AMPH: variants seen among roughly 807,000 people sequenced by gnomAD.
The protein encoded by AMPH is amphiphysin (Stiff-Mann syndrome with breast cancer 128kD autoantigen).
A neutral mutation model predicts 99.1 loss-of-function variants in AMPH; 49 were observed. The ratio of observed to expected loss-of-function variants is 0.49; its 90% CI spans 0.39 to 0.63. AMPH has a LOEUF of 0.63. AMPH is among the 20% of genes least tolerant of loss of function. The pLI is 0.00. For missense variants in AMPH, 759 were observed against 863.4 expected (o/e 0.88, Z 1.52); for synonymous variants, 314 against 317.3 (o/e 0.99, Z 0.11).
intron 11 of AMPH, among the ~76,000 whole-genome samples, chr7:38,440,164 A>C (rs1786450161): frequency 6.6e-6 from 1 of 152,202 alleles, no homozygotes; most frequent in African/African-American, 2.4e-5. Flanking sequence ...GTTAAAGATA[A>C]ATTCATAAAA....
intron 7 of AMPH, among the ~76,000 whole-genome samples, chr7:38,470,106 A>G (rs756626032): frequency 6.6e-6 from 1 of 152,104 alleles, no homozygotes; most frequent in Non-Finnish European, 1.5e-5. Context: ...GGTCAGTCCT[A>G]TCAACACCCT....
At chr7:38,445,791 T>G (rs1786755713) in intron 11 of AMPH, among the ~76,000 whole-genome samples, 1 of 152,204 alleles carries the variant, frequency 6.6e-6, no homozygotes, top group South Asian at 2.1e-4. Context: ...TGTCAACTTG[T>G]TATCCCAGTG....
intron 2 of AMPH, among the ~76,000 whole-genome samples, chr7:38,527,182 T>C (rs1324954116): frequency 6.6e-6 from 1 of 152,266 alleles, no homozygotes; most frequent in Non-Finnish European, 1.5e-5. Context: ...GGCCTTAATA[T>C]TGAAAAGAAT....
At chr7:38,572,816 T>G (rs1792097994) in intron 1 of AMPH, among the ~76,000 whole-genome samples, 2 of 151,992 alleles carry the variant, frequency 1.3e-5, no homozygotes, top group South Asian at 4.1e-4. Context: ...ACAGGGAGTG[T>G]GGGATAGGAA....
At chr7:38,566,892 G>C (rs1213233531) in intron 1 of AMPH, among the ~76,000 whole-genome samples, 1 of 152,194 alleles carries the variant, frequency 6.6e-6, no homozygotes, top group Non-Finnish European at 1.5e-5. Context: ...GGCAACAACA[G>C]ATGCTGGAGA....
intron 1 of AMPH, among the ~76,000 whole-genome samples, chr7:38,535,969 A>G (rs1790583685): frequency 6.6e-6 from 1 of 152,252 alleles, no homozygotes; most frequent in Non-Finnish European, 1.5e-5. Context: ...AGCCAGGATG[A>G]TGGTAAGTTC....
At chr7:38,556,757 T>C (rs1467716536) in intron 1 of AMPH, among the ~76,000 whole-genome samples, 2 of 152,190 alleles carry the variant, frequency 1.3e-5, no homozygotes, top group Non-Finnish European at 2.9e-5. Context: ...GTAAGTTTCA[T>C]GAGGGAAAGG....
chr7:38,436,530 A>G (rs1260209761), intron 11 of AMPH, 142 bp from the exon 12 acceptor site: 6 of 644,534 alleles, frequency 9.3e-6, no homozygotes, highest in Middle Eastern at 8.5e-4. Context: ...TGGCTCACCC[A>G]TATGCACCCA....
chr7:38,622,006 T>C (rs1794086912), intron 1 of AMPH, among the ~76,000 whole-genome samples: 1 of 152,244 alleles, frequency 6.6e-6, no homozygotes, highest in Non-Finnish European at 1.5e-5. Flanking sequence ...GTGATTATTA[T>C]CACTTCAATT....
rs954688406 is a variant in AMPH at position 38,392,130 on chromosome 7, C to A, written c.1609-113G>T. ...CAAAGCTGGGGCTGCCACTTCCATA[C>A]TTCCCCACTAGCCAGACTCAGGTCT... On this transcript the variant is annotated intron_variant, in intron 18 of 20. Transcript: ENST00000356264. 2.8e-6 allele frequency: 3 copies of A among 1,080,472 alleles called. No homozygotes were observed. The African/African-American group carries it at 4.7e-5, about 17-fold the overall frequency. The allele number at this position is 1,080,472 out of a possible 1,614,324, so 66.9% of individuals were successfully genotyped here.
chr7:38,497,364 G>A (rs1320327358), intron 3 of AMPH, among the ~76,000 whole-genome samples: 1 of 151,848 alleles, frequency 6.6e-6, no homozygotes, highest in Non-Finnish European at 1.5e-5. Flanking sequence ...AAAACTGTAA[G>A]ACAAATGCCC....
chr7:38,449,859 C>T (rs569355924), intron 11 of AMPH, among the ~76,000 whole-genome samples: 2 of 152,244 alleles, frequency 1.3e-5, no homozygotes, highest in South Asian at 4.1e-4. Context: ...GTTACAGATA[C>T]CCAGTAAGTG....
chr7:38,616,858 G>A (rs1310379925), intron 1 of AMPH, among the ~76,000 whole-genome samples: 1 of 152,108 alleles, frequency 6.6e-6, no homozygotes, highest in Non-Finnish European at 1.5e-5. Flanking sequence ...AGGAGAGGAG[G>A]TATTAGCTGG....
chr7:38,525,848 C>G (rs927297673), intron 2 of AMPH, among the ~76,000 whole-genome samples: 1 of 152,050 alleles, frequency 6.6e-6, no homozygotes, highest in Non-Finnish European at 1.5e-5. Context: ...CTATTCACCC[C>G]CTGAAGGACA....
chr7:38,489,468 T>C (rs1007663944), intron 5 of AMPH, among the ~76,000 whole-genome samples: 3 of 152,150 alleles, frequency 2.0e-5, no homozygotes, highest in East Asian at 1.9e-4. Context: ...GTGTTAGCAA[T>C]GATTTCTTGG....
chr7:38,425,071 C>T (rs1455537855), intron 15 of AMPH, among the ~76,000 whole-genome samples: 2 of 152,166 alleles, frequency 1.3e-5, no homozygotes, highest in South Asian at 2.1e-4. Context: ...AGATGTGTAA[C>T]GTCACAAATA....
intron 2 of AMPH, among the ~76,000 whole-genome samples, chr7:38,518,461 C>T (rs1258254369): frequency 6.6e-6 from 1 of 152,216 alleles, no homozygotes; most frequent in African/African-American, 2.4e-5. Context: ...GGCCCAACCC[C>T]AGCCACAGTG....
At chr7:38,477,201 T>G (rs1788120389) in intron 5 of AMPH, among the ~76,000 whole-genome samples, 1 of 151,932 alleles carries the variant, frequency 6.6e-6, no homozygotes, top group Admixed American at 6.6e-5. Flanking sequence ...ATAATTAGGC[T>G]AATCACAAGC....
chr7:38,389,721 C>T, intron 20 of AMPH, 83 bp downstream of exon 20: 1 of 1,059,560 alleles, frequency 9.4e-7, no homozygotes, highest in Non-Finnish European at 1.5e-6. Context: ...AAAATAGAAA[C>T]ATCTTTAGGA....
Sources: gnomAD v4.1 joint callset for allele counts (sites outside exome capture counted in the v4.1 genomes callset) on GRCh38, gnomAD v4.1.1 for gene constraint, MANE v1.5 for transcripts, NCBI Gene and HGNC (gene_info 2026-07-23, HGNC 2026-07-21) for gene names.